The following PUDP variants were observed in gnomAD, a reference collection of about 807,000 sequenced individuals.
PUDP encodes pseudouridine 5'-phosphatase.
A neutral mutation model predicts 9.4 loss-of-function variants in PUDP; 8 were observed. That is an observed-to-expected ratio of 0.85 (90% CI 0.50 to 1.53). The LOEUF (loss-of-function observed/expected upper bound fraction) is 1.53. PUDP is among the 40% of genes most tolerant of loss of function. The pLI is 0.00. For missense variants in PUDP, 188 were observed against 189.7 expected (o/e 0.99, Z 0.05); for synonymous variants, 99 against 80.7 (o/e 1.23, Z -1.22).
chrX:7,005,769 G>A (rs373067077), intron 1 of PUDP, among the ~76,000 whole-genome samples: 3 of 110,848 alleles, frequency 2.7e-5, no homozygotes, highest in South Asian at 3.8e-4. Flanking sequence ...AACCATCAGC[G>A]CCACCCATCT....
At chrX:6,888,910 G>A (rs932306837) in intron 3 of PUDP, among the ~76,000 whole-genome samples, 2 of 112,014 alleles carry the variant, frequency 1.8e-5, no homozygotes, top group Non-Finnish European at 3.8e-5. Flanking sequence ...CCCCTGACGA[G>A]ATATTGCACT....
In PUDP at chrX:7,148,047, A is replaced by G; in HGVS notation, c.61+6T>C. The G allele has an allele frequency of 2.7e-6, 3 of 1,129,659 alleles. No homozygotes were observed. The South Asian group carries it at 6.0e-5, about 22-fold the overall frequency. The allele number at this position is 1,129,659 out of a possible 1,213,427, so 93.1% of individuals were successfully genotyped here. ...TTACTGGAGGCGGCGGCTGCACACT[A>G]CCCACCCAGAAGAAGTCCGTCCATG... is the stretch of plus-strand genomic sequence containing the variant. On this transcript the variant is annotated splice_donor_region_variant and intron_variant, in intron 1 of 3. Transcript: ENST00000381077.
At chrX:6,869,914 A>C (rs1245367788) in intron 3 of PUDP, among the ~76,000 whole-genome samples, 1 of 111,376 alleles carries the variant, frequency 9.0e-6, no homozygotes, top group African/African-American at 3.3e-5. Context: ...TTGGATATAT[A>C]CTCCAAAGAA....
intron 1 of PUDP, among the ~76,000 whole-genome samples, chrX:7,132,172 C>A (rs1295255952): frequency 9.0e-6 from 1 of 111,313 alleles, no homozygotes; most frequent in Non-Finnish European, 1.9e-5. Flanking sequence ...TATCTGGCAA[C>A]TGGTGGTCCT....
intron 3 of PUDP, among the ~76,000 whole-genome samples, chrX:6,764,911 T>C (rs892324629): frequency 2.7e-5 from 3 of 111,354 alleles, no homozygotes; most frequent in Admixed American, 9.6e-5. Context: ...AGGATTTCCA[T>C]ATACACAATA....
chrX:6,802,689 GC>G (rs1307164365), intron 3 of PUDP, among the ~76,000 whole-genome samples: 1 of 109,144 alleles, frequency 9.2e-6, no homozygotes, highest in Non-Finnish European at 1.9e-5. Context: ...TTCAAGACCA[GC>G]CTGGGCCACA....
rs763899661 is a variant in PUDP, at chrX:7,088,601, T to A, written c.281-11152A>T. 6.2e-5 allele frequency among the ~76,000 whole-genome samples: 7 copies of A among 112,205 alleles called. No homozygotes were observed. The Admixed American group carries it at 6.6e-4, about 11-fold the overall frequency. The stretch of plus-strand genomic sequence containing the variant: ...GATCCTTGATCCTTGTTTTCCCTTA[T>A]AAAGAATGACTAGACTAGGACTTAA... On this transcript the variant is annotated intron_variant, in intron 2 of 3. Transcript: ENST00000381077.
chrX:6,740,408 A>G (rs771300469), intron 3 of PUDP, among the ~76,000 whole-genome samples: 1 of 111,723 alleles, frequency 9.0e-6, no homozygotes, highest in South Asian at 3.7e-4. Context: ...TTATATTTTT[A>G]ACAATTAAGG....
At chrX:6,720,256 G>GTATATA (rs1384554975) in intron 1 of PUDP, among the ~76,000 whole-genome samples, 190 of 37,098 alleles carry the variant, frequency 5.1e-3, no homozygotes, top group African/African-American at 0.026. Flanking sequence ...GTGTGTGTGT[G>GTATATA]TGTATATATA....
chrX:6,724,048 A>G (rs945017854), upstream of PUDP, among the ~76,000 whole-genome samples: 2 of 111,808 alleles, frequency 1.8e-5, no homozygotes, highest in Non-Finnish European at 3.8e-5. Context: ...TTTTATTCCA[A>G]GATTAGCCTT....
chrX:7,046,073 T>C (rs5978827), downstream of PUDP, among the ~76,000 whole-genome samples: 37,119 of 111,135 alleles, frequency 0.33, 4,739 homozygotes, highest in Middle Eastern at 0.47. Flanking sequence ...CTGGAGTTTC[T>C]AGAAGAATGA....
intron 3 of PUDP, among the ~76,000 whole-genome samples, chrX:6,736,252 C>T (rs926663436): frequency 2.7e-5 from 3 of 111,110 alleles, no homozygotes; most frequent in Non-Finnish European, 3.8e-5. Flanking sequence ...TTGTATTATA[C>T]TGAGGGAAGA....
At chrX:6,782,261 C>T (rs949339659) in intron 3 of PUDP, among the ~76,000 whole-genome samples, 1 of 111,281 alleles carries the variant, frequency 9.0e-6, no homozygotes, top group Non-Finnish European at 1.9e-5. Flanking sequence ...AGCTCCATCC[C>T]TGGATACATT....
intron 3 of PUDP, among the ~76,000 whole-genome samples, chrX:6,938,806 C>G: frequency 1.5e-5 from 1 of 67,366 alleles, no homozygotes; most frequent in South Asian, 7.2e-4. Flanking sequence ...TTTTTTTTTG[C>G]AATACTAGCC....
chrX:6,900,326 T>TG (rs55900364), intron 3 of PUDP, among the ~76,000 whole-genome samples: 8,912 of 81,400 alleles, frequency 0.11, 998 homozygotes, highest in East Asian at 0.35. Context: ...TGTCACCACT[T>TG]GGGGGGGGGG....
intron 3 of PUDP, among the ~76,000 whole-genome samples, chrX:6,833,567 G>C (rs1170638249): frequency 8.9e-6 from 1 of 111,912 alleles, no homozygotes; most frequent in East Asian, 2.8e-4. Context: ...GTGAGGCTGA[G>C]TGGGTGAATG....
In PUDP at chrX:7,004,326, G is replaced by C. The variant is rs1259381081; in HGVS notation, c.205-25983C>G. ...TTTTTTTGTTTTAGCTCAGTGTAGA[G>C]TGCATTGAAGGTGTCCTAAAAATAA... On this transcript the variant is annotated intron_variant and NMD_transcript_variant, in intron 1 of 3. Coordinates refer to the PUDP transcript ENST00000655425. Among the ~76,000 whole-genome samples, 4 of 111,611 alleles carry C rather than the reference G, an allele frequency of 3.6e-5. No homozygotes were observed. The South Asian group carries it at 1.1e-3, about 32-fold the overall frequency.
intron 3 of PUDP, among the ~76,000 whole-genome samples, chrX:6,876,850 G>T (rs911337492): frequency 9.3e-6 from 1 of 107,930 alleles, no homozygotes; most frequent in African/African-American, 3.5e-5. Context: ...TATACATATA[G>T]ACATATGTGT....
Position 6,805,811 on chromosome X carries a change from C to T in PUDP, c.*248-99345G>A, listed in dbSNP as rs888036750. 2.7e-5 allele frequency among the ~76,000 whole-genome samples: 3 copies of T among 110,741 alleles called. No individual in the cohort carries two copies. The Admixed American group carries it at 2.9e-4, about 11-fold the overall frequency. ...GGAATTACAGGCCTGAGTCACTGTG[C>T]CCAGTCTGGGAGAGGAGTTTTGCAC... On this transcript the variant is annotated intron_variant and NMD_transcript_variant, in intron 3 of 3. Transcript: ENST00000655425.
Sources: gnomAD v4.1 joint callset for allele counts (sites outside exome capture counted in the v4.1 genomes callset) on GRCh38, gnomAD v4.1.1 for gene constraint, MANE v1.5 for transcripts, NCBI Gene and HGNC (gene_info 2026-07-23, HGNC 2026-07-21) for gene names.